The following FTCDNL1 variants were observed in gnomAD, a reference collection of about 807,000 sequenced individuals.
FTCDNL1 encodes the protein formiminotransferase cyclodeaminase N-terminal like.
A neutral mutation model predicts 5.9 loss-of-function variants in FTCDNL1; 11 were observed. The ratio of observed to expected loss-of-function variants is 1.87; its 90% confidence interval spans 1.18 to 3.10. The LOEUF is 3.10. Among genes scored for constraint, FTCDNL1 ranks in the 30% most tolerant of loss-of-function variants. The pLI, the probability that FTCDNL1 is intolerant of heterozygous loss-of-function variation, is 0.00. For synonymous variants in FTCDNL1, 58 were observed against 24.8 expected, an observed-to-expected ratio of 2.34 and a Z score of -3.99; for missense variants, 115 against 65.5, an observed-to-expected ratio of 1.76 and a Z score of -2.61.
chr2:199,848,515 A>G (rs2076789445), intron 2 of FTCDNL1, among the ~76,000 whole-genome samples: 1 of 152,278 alleles, frequency 6.6e-6, no homozygotes, highest in Non-Finnish European at 1.5e-5. Context: ...TAAACGACCC[A>G]TGAGGGAAAC....
rs1700931421 is a variant in FTCDNL1 at position 199,809,816 on chromosome 2, T to C, written c.*2889A>G. Among the ~76,000 whole-genome samples, 1 of 152,030 alleles carries C rather than the reference T, an allele frequency of 6.6e-6. No individual in the cohort carries two copies. Among genetic ancestry groups the C allele is most frequent in the Non-Finnish European group, 1.5e-5 (1 of 68,014 alleles). On this transcript the variant is annotated 3_prime_UTR_variant, in exon 5 of 5. Transcript: ENST00000420128. The stretch of plus-strand genomic sequence containing the variant: ...TATGAGCAGCAGATCATCTTAAAAG[T>C]AGTAAGGCAAGAATGAACAATCATG...
At chr2:199,739,004 T>C in the FTCDNL1 span, among the ~76,000 whole-genome samples, 1 of 152,186 alleles carries the variant, frequency 6.6e-6, no homozygotes, top group Non-Finnish European at 1.5e-5. Flanking sequence ...AAATTCTCAG[T>C]CACAGGAAGC....
At chr2:199,691,255 C>T in the FTCDNL1 span, among the ~76,000 whole-genome samples, 20 of 152,214 alleles carry the variant, frequency 1.3e-4, no homozygotes, top group African/African-American at 4.3e-4. Context: ...TCACTGCAAC[C>T]TCCGCCTCCC....
chr2:199,665,447 T>G, the FTCDNL1 span, among the ~76,000 whole-genome samples: 4 of 151,794 alleles, frequency 2.6e-5, no homozygotes, highest in Non-Finnish European at 5.9e-5. Flanking sequence ...GCCTGGCCAA[T>G]GTGGTGAAAC....
chr2:199,815,158 AG>A (rs1206983655), intron 4 of FTCDNL1, among the ~76,000 whole-genome samples: 1 of 152,226 alleles, frequency 6.6e-6, no homozygotes, highest in Non-Finnish European at 1.5e-5. Flanking sequence ...TAGATCTAAA[AG>A]TATCAACTAT....
chr2:199,822,395 C>T (rs945693465), intron 3 of FTCDNL1, among the ~76,000 whole-genome samples: 4 of 152,058 alleles, frequency 2.6e-5, no homozygotes, highest in Non-Finnish European at 4.4e-5. Context: ...CAGATCTAGA[C>T]CCTGTCTCAA....
downstream of FTCDNL1, among the ~76,000 whole-genome samples, chr2:199,757,472 T>C (rs1698111920): frequency 6.6e-6 from 1 of 152,014 alleles, no homozygotes; most frequent in Non-Finnish European, 1.5e-5. Flanking sequence ...AGAAAGTACA[T>C]AAAAGGCAGA....
chr2:199,684,463 T>C, the FTCDNL1 span, among the ~76,000 whole-genome samples: 1 of 152,178 alleles, frequency 6.6e-6, no homozygotes, highest in Admixed American at 6.5e-5. Flanking sequence ...AAATAAATTA[T>C]ACACACACAT....
At chr2:199,664,647 T>G in the FTCDNL1 span, among the ~76,000 whole-genome samples, 1 of 152,206 alleles carries the variant, frequency 6.6e-6, no homozygotes, top group Admixed American at 6.5e-5. Flanking sequence ...ATGACAAGTT[T>G]TTTTCTCTCA....
At chr2:199,787,783 A>G (rs1014293899) in intron 3 of FTCDNL1, among the ~76,000 whole-genome samples, 1 of 152,234 alleles carries the variant, frequency 6.6e-6, no homozygotes, top group African/African-American at 2.4e-5. Flanking sequence ...TCTAGAGTCA[A>G]TGGCATCTTA....
At chr2:199,690,204 G>A in the FTCDNL1 span, among the ~76,000 whole-genome samples, 8 of 152,304 alleles carry the variant, frequency 5.3e-5, 1 homozygote, top group South Asian at 2.1e-4. Context: ...TTGTTGGAGC[G>A]TAAGTACATT....
the FTCDNL1 span, among the ~76,000 whole-genome samples, chr2:199,751,149 G>A: frequency 1.3e-5 from 2 of 152,166 alleles, no homozygotes; most frequent in African/African-American, 4.8e-5. Flanking sequence ...CTCTCCATCT[G>A]CAAAATAGCA....
At chr2:199,733,481 T>C in the FTCDNL1 span, among the ~76,000 whole-genome samples, 1 of 152,174 alleles carries the variant, frequency 6.6e-6, no homozygotes, top group African/African-American at 2.4e-5. Flanking sequence ...AATCAAATAT[T>C]GCCAAGGCAT....
At chr2:199,745,765 C>G in the FTCDNL1 span, among the ~76,000 whole-genome samples, 1 of 152,176 alleles carries the variant, frequency 6.6e-6, no homozygotes, top group African/African-American at 2.4e-5. Context: ...CAAAAGCAAC[C>G]AGGGTCGTGA....
chr2:199,718,767 C>A, the FTCDNL1 span, among the ~76,000 whole-genome samples: 1 of 152,090 alleles, frequency 6.6e-6, no homozygotes. Flanking sequence ...GACGCTATCT[C>A]GTTGTGATTT....
At chr2:199,824,007 G>A (rs991715826) in intron 3 of FTCDNL1, among the ~76,000 whole-genome samples, 4 of 152,270 alleles carry the variant, frequency 2.6e-5, no homozygotes, top group African/African-American at 9.6e-5. Flanking sequence ...TAGAGACAGG[G>A]TCTCACTATA....
chr2:199,785,249 C>CTTTTTTTTCTTTTTTTTTT (rs1699577106), intron 3 of FTCDNL1, among the ~76,000 whole-genome samples: 1 of 76,866 alleles, frequency 1.3e-5, no homozygotes, highest in Non-Finnish European at 2.2e-5. Context: ...TTCCAAATTC[C>CTTTTTTTTCTTTTTTTTTT]TTTTTTTTTT....
At chr2:199,772,123 G>A (rs1315997661) in intron 3 of FTCDNL1, among the ~76,000 whole-genome samples, 2 of 152,172 alleles carry the variant, frequency 1.3e-5, no homozygotes, top group East Asian at 1.9e-4. Flanking sequence ...GATAACCAAG[G>A]TGTCTTCTAA....
In FTCDNL1 at chr2:199,780,209, G is replaced by A. The variant is rs185182171; in HGVS notation, c.212-19374C>T. Among the ~76,000 whole-genome samples, 50 of 152,260 alleles carry A rather than the reference G, an allele frequency of 3.3e-4. No homozygotes were observed. The East Asian group carries it at 7.4e-3, about 22-fold the overall frequency. ...TACAGGGACCTCTGGAGCCCGGATG[G>A]CCCACCTCGCTAGGATAGGGCAGGG... On this transcript the variant is annotated intron_variant, in intron 3 of 3. Transcript: ENST00000416668.
Sources: gnomAD v4.1 joint callset for allele counts (sites outside exome capture counted in the v4.1 genomes callset) on GRCh38, gnomAD v4.1.1 for gene constraint, MANE v1.5 for transcripts, NCBI Gene and HGNC (gene_info 2026-07-23, HGNC 2026-07-21) for gene names.